KDM1B: variants seen among roughly 807,000 people sequenced by gnomAD.
KDM1B encodes lysine demethylase 1B, also known as lysine-specific histone demethylase 2.
In KDM1B, 63 loss-of-function variants were observed where a neutral mutation model predicts 107.4. The observed-to-expected ratio is 0.59, with a 90% CI of 0.48 to 0.72. The LOEUF is 0.72. Among genes scored for constraint, KDM1B ranks in the 30% least tolerant of loss-of-function variants. KDM1B has a pLI of 0.00. For synonymous variants in KDM1B, 363 were observed against 363.9 expected, an observed-to-expected ratio of 1.00 and a Z score of 0.03; for missense variants, 749 against 1,020.8, an observed-to-expected ratio of 0.73 and a Z score of 3.63.
intron 3 of KDM1B, among the ~76,000 whole-genome samples, chr6:18,160,951 G>C (rs548291199): frequency 6.6e-6 from 1 of 150,816 alleles, no homozygotes; most frequent in Non-Finnish European, 1.5e-5. Context: ...AGGAGGTCTC[G>C]GTATGTTGCC....
chr6:18,222,338 T>G lies in KDM1B; in HGVS notation c.*346T>G. ...TCACATTTTATATGGCTGATCAATTTTCATACATTGAGAAACCAAGTCAAT... is the reference window on the plus strand; with the variant it reads ...TCACATTTTATATGGCTGATCAATTGTCATACATTGAGAAACCAAGTCAAT... On this transcript the variant is annotated 3_prime_UTR_variant, in exon 22 of 22. Transcript: ENST00000650836. The G allele has an allele frequency of 2.8e-6, 1 of 359,440 alleles. No homozygotes were observed. Among genetic ancestry groups the G allele is most frequent in the Non-Finnish European group, 5.4e-6 (1 of 186,530 alleles). 22.3% of individuals were successfully genotyped at this position (359,440 alleles called of 1,614,324 possible). A position where few individuals can be genotyped will look rare whatever the true frequency, so the allele number is the denominator to read the frequency against.
intron 7 of KDM1B, among the ~76,000 whole-genome samples, 194 bp downstream of exon 7, chr6:18,171,673 A>G (rs537839814): frequency 2.6e-5 from 4 of 152,208 alleles, no homozygotes; most frequent in Non-Finnish European, 5.9e-5. Flanking sequence ...CAGTTAAGAC[A>G]TAGGTAAGCA....
intron 10 of KDM1B, among the ~76,000 whole-genome samples, chr6:18,194,722 G>C (rs919907335): frequency 2.0e-5 from 3 of 151,626 alleles, no homozygotes; most frequent in African/African-American, 7.3e-5. Flanking sequence ...TGGTCTCCAA[G>C]TTTTGGGCTC....
intron 10 of KDM1B, among the ~76,000 whole-genome samples, chr6:18,193,123 A>C (rs1787389719): frequency 6.9e-6 from 1 of 145,728 alleles, no homozygotes; most frequent in Non-Finnish European, 1.5e-5. Context: ...TGAACCCAGG[A>C]GGAGGAGGCT....
At chr6:18,196,688 T>G (rs983751231) in intron 10 of KDM1B, among the ~76,000 whole-genome samples, 13 of 152,232 alleles carry the variant, frequency 8.5e-5, no homozygotes, top group African/African-American at 2.9e-4. Context: ...CAGACTTTCC[T>G]TGTCATTATT....
At chr6:18,188,058 A>G in intron 9 of KDM1B, 56 bp downstream of exon 9, 7 of 1,446,664 alleles carry the variant, frequency 4.8e-6, no homozygotes, top group Non-Finnish European at 6.6e-6. Flanking sequence ...CTCCCTGAGG[A>G]ACGTGTGAGT....
intron 10 of KDM1B, among the ~76,000 whole-genome samples, chr6:18,192,701 T>TC (rs1787357643): frequency 6.8e-6 from 1 of 146,308 alleles, no homozygotes; most frequent in South Asian, 2.2e-4. Flanking sequence ...GCCTAGGAGT[T>TC]CAAGACCAGC....
At chr6:18,196,848 A>G (rs1230276430) in intron 10 of KDM1B, among the ~76,000 whole-genome samples, 2 of 152,168 alleles carry the variant, frequency 1.3e-5, no homozygotes, top group Admixed American at 6.6e-5. Flanking sequence ...TTGAGAATCT[A>G]TGGATTTTGG....
At chr6:18,192,424 A>G (rs1265275735) in intron 10 of KDM1B, among the ~76,000 whole-genome samples, 1 of 152,252 alleles carries the variant, frequency 6.6e-6, no homozygotes, top group Non-Finnish European at 1.5e-5. Context: ...TCACTGGATT[A>G]GAATCCAGAA....
intron 14 of KDM1B, among the ~76,000 whole-genome samples, chr6:18,202,246 GGC>G (rs1554148422): frequency 3.3e-5 from 5 of 149,446 alleles, no homozygotes; most frequent in Non-Finnish European, 7.4e-5. Flanking sequence ...AAAAAAAAAG[GGC>G]GGGGGGCAAG....
chr6:18,213,557 G>A lies in KDM1B; in HGVS notation c.1984-99G>A. ...ATTTGGGGTTGTTCTTTCGGGCAGT[G>A]TCTTTGTTTTAGAGTAGAGCTACAG... On this transcript the variant is annotated intron_variant, in intron 18 of 21. Transcript: ENST00000650836. The surrounding 1 kb of genome is among the most constrained non-coding windows in gnomAD (Gnocchi z 5.9). 16 of 1,241,156 alleles carry A rather than the reference G, an allele frequency of 1.3e-5. No individual in the cohort carries two copies. The South Asian group carries it at 1.7e-4, about 13-fold the overall frequency. 76.9% of individuals were successfully genotyped at this position (1,241,156 alleles called of 1,614,324 possible). A position where few individuals can be genotyped will look rare whatever the true frequency, so the allele number is the denominator to read the frequency against.
In KDM1B at chr6:18,223,346, C is replaced by CA. The variant is rs1789927191; in HGVS notation, c.*1354_*1355insA. ...GACACCTCCCCCACCGCCCGCCCCC[C>CA]GCCCCCCCCAATCAAAGTGTGGTCC... On this transcript the variant is annotated 3_prime_UTR_variant, in exon 22 of 22. Coordinates refer to ENST00000650836, the MANE Select transcript of KDM1B (RefSeq NM_001364614.2). 1 of 128,622 alleles carries CA rather than the reference C, an allele frequency of 7.8e-6. No homozygotes were observed. The highest frequency in any genetic ancestry group is 3.1e-4 in the South Asian group (1 of 3,208). The allele number at this position is 128,622 out of a possible 1,614,324, so 8.0% of individuals were successfully genotyped here.
chr6:18,158,972 CT>C (rs1182811128), intron 2 of KDM1B, among the ~76,000 whole-genome samples: 1 of 152,044 alleles, frequency 6.6e-6, no homozygotes, highest in Non-Finnish European at 1.5e-5. Context: ...AATGAGTTTT[CT>C]TTTATTTTTT....
At position 18,191,099 on chromosome 6, in the gene KDM1B, C is replaced by T. The variant is rs1787256276; in HGVS notation, c.785-98C>T. 8 of 986,162 alleles carry T rather than the reference C, an allele frequency of 8.1e-6. No individual in the cohort carries two copies. In the Middle Eastern group the frequency reaches 6.5e-4, roughly 80 times the overall value. The allele number at this position is 986,162 out of a possible 1,614,324, so 61.1% of individuals were successfully genotyped here. A position where few individuals can be genotyped will look rare whatever the true frequency, so the allele number is the denominator to read the frequency against. Reference sequence around the variant, plus strand: ...TATTTATGTAGGGTAGAGAGTGGAGCTTGTCTAGGCTTACTTTTTGGTTTG... The same window carrying T: ...TATTTATGTAGGGTAGAGAGTGGAGTTTGTCTAGGCTTACTTTTTGGTTTG... On this transcript the variant is annotated intron_variant, in intron 9 of 21. Transcript: ENST00000650836. The surrounding 1 kb of genome is among the most constrained non-coding windows in gnomAD (Gnocchi z 5.1).
rs1788175525 is a variant in KDM1B at position 18,203,499 on chromosome 6, G to A, written c.1531+1842G>A. 6.6e-6 allele frequency among the ~76,000 whole-genome samples: 1 copy of A among 152,012 alleles called. No individual in the cohort carries two copies. The highest frequency in any genetic ancestry group is 1.5e-5 in the Non-Finnish European group (1 of 68,008). On this transcript the variant is annotated intron_variant, in intron 14 of 21. Transcript: ENST00000650836. The surrounding 1 kb of genome is among the most constrained non-coding windows in gnomAD (Gnocchi z 5.5). Reference sequence around the variant, plus strand: ...GGGAAACTCAAATCTAAATACTAAGGGACTAGATTTCATTTCAGAAAGCAT... The same window carrying A: ...GGGAAACTCAAATCTAAATACTAAGAGACTAGATTTCATTTCAGAAAGCAT...
Position 18,197,206 on chromosome 6 carries a change from G to A in KDM1B, c.1119G>A (p.Gln373=). 1 of 1,614,004 alleles carries A rather than the reference G, an allele frequency of 6.2e-7. No homozygotes were observed. The highest frequency in any genetic ancestry group is 1.1e-5 in the South Asian group (1 of 91,046). The change falls in exon 11 of 22, where the codon CAG becomes CAA. Residue 373 remains glutamine, a synonymous_variant. Transcript: ENST00000650836. The surrounding 1 kb of genome is among the most constrained non-coding windows in gnomAD (Gnocchi z 4.5). ...NTGVLSVGAD[Q]YLLPKDYHNK... is the part of the protein sequence containing the mutation. Reference sequence around the variant, plus strand: ...GAGTTCTCAGCGTGGGAGCCGACCAGTATCTTCTCCCTAAGGACTACCACA... The same window carrying A: ...GAGTTCTCAGCGTGGGAGCCGACCAATATCTTCTCCCTAAGGACTACCACA...
At position 18,217,989 on chromosome 6, in the gene KDM1B, A is replaced by G. The variant is rs1382356312; in HGVS notation, c.2385+104A>G. ...TAAAAACCAATTCAAATACTGTCAA[A>G]AGTCTTATGACCACAGACAGCAGAA... On this transcript the variant is annotated intron_variant, in intron 21 of 21. Transcript: ENST00000650836. 3 of 1,244,212 alleles carry G rather than the reference A, an allele frequency of 2.4e-6. No individual in the cohort carries two copies. The Admixed American group carries it at 6.3e-5, about 26-fold the overall frequency. 77.1% of individuals were successfully genotyped at this position (1,244,212 alleles called of 1,614,324 possible).
chr6:18,220,649 A>T (rs1032267052), intron 21 of KDM1B, among the ~76,000 whole-genome samples: 2 of 152,262 alleles, frequency 1.3e-5, no homozygotes, highest in African/African-American at 4.8e-5. Flanking sequence ...TGCATGCCAG[A>T]CAACAAATGT....
chr6:18,171,280 G>T, intron 6 of KDM1B, 83 bp from the exon 7 acceptor site: 1 of 789,998 alleles, frequency 1.3e-6, no homozygotes. Flanking sequence ...ACAGGTTGGA[G>T]AAGATGACCA....
Sources: allele counts gnomAD v4.1 joint callset (sites outside exome capture counted in the v4.1 genomes callset), GRCh38; gene constraint gnomAD v4.1.1; non-coding constraint Gnocchi (gnomAD v3.1); transcripts MANE v1.5; gene names NCBI Gene and HGNC (gene_info 2026-07-23, HGNC 2026-07-21).